The following NAPEPLD variants were observed in gnomAD, a reference collection of about 807,000 sequenced individuals.
NAPEPLD encodes N-acyl-phosphatidylethanolamine-hydrolyzing phospholipase D.
NAPEPLD carries 23 observed loss-of-function variants against 38.1 expected under a neutral mutation model. That is an observed-to-expected ratio of 0.60 (90% CI 0.43 to 0.86). NAPEPLD has a LOEUF of 0.86. NAPEPLD is among the 40% of genes least tolerant of loss of function. The pLI is 0.00. For synonymous variants in NAPEPLD, 147 were observed against 162.0 expected, an observed-to-expected ratio of 0.91 and a Z score of 0.71; for missense variants, 411 against 476.8, an observed-to-expected ratio of 0.86 and a Z score of 1.28.
At position 103,128,759 on chromosome 7, in the gene NAPEPLD, G is replaced by C; in HGVS notation, c.18C>G (p.Ser6Arg). The change falls in exon 2 of 5, where the codon AGC becomes AGG. Residue 6 changes from serine to arginine, a missense_variant. Coordinates refer to ENST00000465647, the MANE Select transcript of NAPEPLD (RefSeq NM_001122838.3). The part of the protein sequence containing the change: MDENE[S>R]NQSLMTSSQY... The stretch of plus-strand genomic sequence containing the variant: ...GGCTGCTTGTCATCAGAGACTGGTT[G>C]CTTTCATTTTCATCCATGTCCTTTG... The C allele has an allele frequency of 6.2e-7, 1 of 1,611,678 alleles. No homozygotes were observed. Among genetic ancestry groups the C allele is most frequent in the South Asian group, 1.1e-5 (1 of 90,302 alleles).
chr7:103,128,827 A>C (rs1016065673), intron 1 of NAPEPLD, 35 bp from the exon 2 acceptor site: 2 of 1,558,370 alleles, frequency 1.3e-6, no homozygotes, highest in African/African-American at 2.8e-5. Context: ...ACTGAGTTGA[A>C]CATAAAGGCA....
chr7:103,103,820 GAT>G (rs374897658), intron 4 of NAPEPLD, among the ~76,000 whole-genome samples: 88 of 152,272 alleles, frequency 5.8e-4, no homozygotes, highest in African/African-American at 1.9e-3. Flanking sequence ...AACATCACTG[GAT>G]TGCATGAAAT....
chr7:103,116,596 G>A (rs1805625749), intron 3 of NAPEPLD, among the ~76,000 whole-genome samples: 2 of 151,918 alleles, frequency 1.3e-5, no homozygotes, highest in Admixed American at 1.3e-4. Flanking sequence ...TAAAGACCAG[G>A]AGCCAAATAT....
intron 1 of NAPEPLD, chr7:103,129,401 G>A (rs1374545908): frequency 1.3e-6 from 1 of 763,336 alleles, no homozygotes; most frequent in Admixed American, 6.3e-5. Flanking sequence ...GACATTCTGT[G>A]GAATAAATTA....
At chr7:103,104,312 G>A (rs10808125) in intron 4 of NAPEPLD, among the ~76,000 whole-genome samples, 133,270 of 152,220 alleles carry the variant, frequency 0.88, 61,070 homozygotes, top group East Asian at 1. Context: ...GGAACAGCAG[G>A]TAGGTGGTAT....
chr7:103,147,706 T>A (rs894813570), intron 1 of NAPEPLD, among the ~76,000 whole-genome samples: 1 of 152,252 alleles, frequency 6.6e-6, no homozygotes, highest in Non-Finnish European at 1.5e-5. Flanking sequence ...ATAACTGGAC[T>A]AATTTTAAAA....
At chr7:103,124,991 G>C (rs1256157481) in intron 2 of NAPEPLD, among the ~76,000 whole-genome samples, 1 of 152,158 alleles carries the variant, frequency 6.6e-6, no homozygotes, top group Non-Finnish European at 1.5e-5. Context: ...AATTTTAAGA[G>C]TATGTGTTTG....
intron 1 of NAPEPLD, 147 bp downstream of exon 1, chr7:103,148,664 T>A (rs1813105348): frequency 5.1e-6 from 2 of 395,520 alleles, no homozygotes; most frequent in Non-Finnish European, 6.9e-6. Flanking sequence ...CATAGTTAAA[T>A]AAGTACACTT....
chr7:103,131,021 C>T (rs532389681), intron 1 of NAPEPLD, among the ~76,000 whole-genome samples: 10 of 152,116 alleles, frequency 6.6e-5, no homozygotes, highest in African/African-American at 2.2e-4. Flanking sequence ...AACCTCACTT[C>T]GTTTAACAGA....
At chr7:103,107,120 G>A (rs1803530673) in intron 4 of NAPEPLD, among the ~76,000 whole-genome samples, 1 of 152,202 alleles carries the variant, frequency 6.6e-6, no homozygotes, top group African/African-American at 2.4e-5. Context: ...AGGGTCTGGA[G>A]TGGACCTCCA....
intron 1 of NAPEPLD, chr7:103,147,979 C>T (rs1563377693): frequency 2.0e-6 from 2 of 981,674 alleles, no homozygotes; most frequent in Non-Finnish European, 2.4e-6. Flanking sequence ...TCTTCTTTAA[C>T]AGACCCAGTA....
chr7:103,115,374 A>C, intron 3 of NAPEPLD, 200 bp from the exon 4 acceptor site: 1 of 429,152 alleles, frequency 2.3e-6, no homozygotes. Flanking sequence ...CTAGATTGTA[A>C]AAACAAAACA....
In NAPEPLD at chr7:103,100,792, A is replaced by G. The variant is rs781022263; in HGVS notation, c.*2637T>C. On this transcript the variant is annotated 3_prime_UTR_variant, in exon 5 of 5. Coordinates refer to ENST00000465647, the MANE Select transcript of NAPEPLD (RefSeq NM_001122838.3). ...CACATAAACCCTTCAAAATGTAGAT[A>G]ACAAATGAAAAATAAAGTGGAACCC... 43 of 152,354 alleles carry G rather than the reference A, an allele frequency of 2.8e-4. 1 individual carries two copies. The highest frequency in any genetic ancestry group is 2.7e-3 in the Admixed American group (41 of 15,304). The allele number at this position is 152,354 out of a possible 1,614,324, so 9.4% of individuals were successfully genotyped here. A position where few individuals can be genotyped will look rare whatever the true frequency, so the allele number is the denominator to read the frequency against.
At chr7:103,106,929 G>A (rs533403449) in intron 4 of NAPEPLD, among the ~76,000 whole-genome samples, 2 of 152,274 alleles carry the variant, frequency 1.3e-5, no homozygotes, top group Admixed American at 6.5e-5. Flanking sequence ...CCTCAAGTGG[G>A]TCCCTGACCC....
chr7:103,144,372 G>T (rs1456377602), intron 1 of NAPEPLD, among the ~76,000 whole-genome samples: 56 of 152,220 alleles, frequency 3.7e-4, no homozygotes, highest in Non-Finnish European at 1.5e-5. Flanking sequence ...ATAAATACTA[G>T]TTCTCTTATA....
chr7:103,117,938 G>A (rs1278098967), intron 3 of NAPEPLD, among the ~76,000 whole-genome samples: 3 of 152,216 alleles, frequency 2.0e-5, no homozygotes, highest in East Asian at 3.9e-4. Flanking sequence ...ATCCTACCAC[G>A]TTGGGAGGCC....
intron 4 of NAPEPLD, among the ~76,000 whole-genome samples, chr7:103,107,328 C>T (rs1803568779): frequency 6.6e-6 from 1 of 151,964 alleles, no homozygotes; most frequent in Non-Finnish European, 1.5e-5. Flanking sequence ...CTCCAAAAAC[C>T]ATAACACTTC....
intron 2 of NAPEPLD, among the ~76,000 whole-genome samples, chr7:103,124,199 C>T (rs373841653): frequency 1.2e-4 from 18 of 152,012 alleles, no homozygotes; most frequent in African/African-American, 4.3e-4. Flanking sequence ...TGGCTCACGC[C>T]TGTAATCCCA....
intron 2 of NAPEPLD, among the ~76,000 whole-genome samples, chr7:103,120,701 C>CTTTTTTTTTTTTTTTTTTTTTTT (rs869141133): frequency 2.4e-5 from 2 of 82,530 alleles, no homozygotes; most frequent in Non-Finnish European, 4.3e-5. Context: ...TGATATTTTT[C>CTTTTTTTTTTTTTTTTTTTTTTT]TTTTTTTTTT....
Sources: allele counts gnomAD v4.1 joint callset (sites outside exome capture counted in the v4.1 genomes callset), GRCh38; gene constraint gnomAD v4.1.1; transcripts MANE v1.5; gene names NCBI Gene and HGNC (gene_info 2026-07-23, HGNC 2026-07-21).